The following NRG1 variants were observed in gnomAD, a reference collection of about 807,000 sequenced individuals.
The protein encoded by NRG1 is neuregulin 1, also known as pro-neuregulin-1, membrane-bound isoform.
Under a neutral mutation model 63.8 loss-of-function variants are expected in NRG1, and 18 were observed. That is an observed-to-expected ratio of 0.28 (90% CI 0.19 to 0.42). The LOEUF (loss-of-function observed/expected upper bound fraction) is 0.42. Among genes scored for constraint, NRG1 ranks in the 10% least tolerant of loss-of-function variants. The probability of loss-of-function intolerance (pLI) is 1.00; values close to 1 mark genes in which losing one functional copy is unlikely to be tolerated. For missense variants in NRG1, 762 were observed against 814.7 expected, an observed-to-expected ratio of 0.94 and a Z score of 0.79; for synonymous variants, 302 against 301.3, an observed-to-expected ratio of 1.00 and a Z score of -0.02.
intron 1 of NRG1, among the ~76,000 whole-genome samples, chr8:32,382,366 A>C (rs1179595375): frequency 1.3e-5 from 2 of 152,192 alleles, no homozygotes; most frequent in Non-Finnish European, 2.9e-5. Context: ...TAAAGCCAAA[A>C]TACTTTGGTG....
intron 1 of NRG1, among the ~76,000 whole-genome samples, chr8:31,989,666 C>G (rs1040937658): frequency 6.6e-6 from 1 of 152,068 alleles, no homozygotes; most frequent in Non-Finnish European, 1.5e-5. Context: ...CACTGGGAAG[C>G]GACAGTAATC....
intron 1 of NRG1, among the ~76,000 whole-genome samples, chr8:31,707,017 T>G (rs949110094): frequency 1.3e-5 from 2 of 152,054 alleles, no homozygotes; most frequent in Non-Finnish European, 2.9e-5. Context: ...CTATTTTTGT[T>G]TTTTTGTTTG....
At chr8:32,283,726 T>A (rs904658433) in intron 1 of NRG1, among the ~76,000 whole-genome samples, 1 of 152,068 alleles carries the variant, frequency 6.6e-6, no homozygotes, top group African/African-American at 2.4e-5. Context: ...AGCAAGATAA[T>A]TTTTTTTCTA....
chr8:32,256,034 C>T (rs1336940365), intron 1 of NRG1, among the ~76,000 whole-genome samples: 1 of 152,160 alleles, frequency 6.6e-6, no homozygotes, highest in Non-Finnish European at 1.5e-5. Flanking sequence ...TCGCAAAGTT[C>T]TCATGCAGTG....
intron 1 of NRG1, among the ~76,000 whole-genome samples, chr8:31,827,856 G>A (rs139547114): frequency 6.6e-6 from 1 of 152,272 alleles, no homozygotes; most frequent in East Asian, 1.9e-4. Flanking sequence ...TCTGTGTGCA[G>A]GCTGGTCTAC....
At chr8:32,362,403 T>C (rs889169234) in intron 1 of NRG1, among the ~76,000 whole-genome samples, 7 of 152,220 alleles carry the variant, frequency 4.6e-5, no homozygotes, top group African/African-American at 7.2e-5. Context: ...GAATATGCGA[T>C]GTTGTGGAGA....
chr8:32,382,272 G>A (rs1237329953), intron 1 of NRG1, among the ~76,000 whole-genome samples: 1 of 152,132 alleles, frequency 6.6e-6, no homozygotes, highest in African/African-American at 2.4e-5. Context: ...ATAAAGGTGG[G>A]TTTGTTGGCG....
intron 1 of NRG1, among the ~76,000 whole-genome samples, chr8:32,124,320 G>T (rs1319271463): frequency 2.6e-5 from 4 of 151,766 alleles, no homozygotes; most frequent in Non-Finnish European, 5.9e-5. Context: ...TTCTTGGTGA[G>T]CATCCAGTAT....
intron 1 of NRG1, among the ~76,000 whole-genome samples, chr8:32,289,382 A>T (rs1417477119): frequency 6.6e-6 from 1 of 152,104 alleles, no homozygotes; most frequent in Non-Finnish European, 1.5e-5. Flanking sequence ...TAACTCTAAA[A>T]TAGGAGCTCA....
chr8:32,710,679 ATCCCTTATAACACTCTG>A (rs1329647065), intron 5 of NRG1, among the ~76,000 whole-genome samples: 2 of 152,174 alleles, frequency 1.3e-5, no homozygotes, highest in Non-Finnish European at 2.9e-5. Context: ...GTTAAATAGA[ATCCCTTATAACACTCTG>A]GCACTATGTG....
chr8:32,190,447 C>T (rs1842380703), intron 1 of NRG1, among the ~76,000 whole-genome samples: 1 of 152,058 alleles, frequency 6.6e-6, no homozygotes, highest in African/African-American at 2.4e-5. Flanking sequence ...GCTGTGAGGT[C>T]CCAGTTCATC....
chr8:32,087,716 G>A (rs577832243), intron 1 of NRG1, among the ~76,000 whole-genome samples: 14 of 152,036 alleles, frequency 9.2e-5, no homozygotes, highest in African/African-American at 2.7e-4. Context: ...TGATCTGCCC[G>A]CCTCAGGCTC....
intron 1 of NRG1, among the ~76,000 whole-genome samples, chr8:31,880,761 A>G (rs371951312): frequency 7.9e-5 from 12 of 152,294 alleles, no homozygotes; most frequent in African/African-American, 2.9e-4. Context: ...TATTCTCAGC[A>G]TTTCCTGTTC....
intron 1 of NRG1, among the ~76,000 whole-genome samples, chr8:31,641,254 C>T (rs539285777): frequency 1.4e-4 from 22 of 152,122 alleles, no homozygotes; most frequent in African/African-American, 5.1e-4. Flanking sequence ...TTTGGCAACT[C>T]AATGTCCAGC....
chr8:32,180,679 T>C (rs1270074472), intron 1 of NRG1, among the ~76,000 whole-genome samples: 1 of 152,170 alleles, frequency 6.6e-6, no homozygotes, highest in Non-Finnish European at 1.5e-5. Context: ...TACAGCACAT[T>C]GCTATATGTA....
intron 4 of NRG1, among the ~76,000 whole-genome samples, chr8:32,616,242 T>G (rs937486019): frequency 6.6e-6 from 1 of 152,032 alleles, no homozygotes; most frequent in African/African-American, 2.4e-5. Flanking sequence ...ATCTTGCTAC[T>G]AGATATCCCC....
Position 31,809,406 on chromosome 8 carries a change from A to G in NRG1, c.37+169975A>G, listed in dbSNP as rs547700206. On this transcript the variant is annotated intron_variant, in intron 1 of 10. Transcript: ENST00000519301. ...CGTGTATATATATGTGTGTGTGTGT[A>G]TATATATATACTTTTTATGTCTTAT... is the stretch of plus-strand genomic sequence containing the variant. Among the ~76,000 whole-genome samples the G allele has an allele frequency of 3.2e-4, 46 of 143,190 alleles. 1 individual carries two copies. Among genetic ancestry groups the G allele is most frequent in the East Asian group, 1.1e-3 (5 of 4,748 alleles). 93.9% of individuals were successfully genotyped at this position (143,190 alleles called of 152,430 possible).
intron 2 of NRG1, among the ~76,000 whole-genome samples, chr8:32,605,119 A>G (rs1845048627): frequency 6.6e-6 from 1 of 152,188 alleles, no homozygotes; most frequent in South Asian, 2.1e-4. Flanking sequence ...TTTAAAATCT[A>G]TTCTAACCTT....
Position 31,685,057 on chromosome 8 carries a change from G to A in NRG1, c.37+45626G>A, listed in dbSNP as rs140789076. Among the ~76,000 whole-genome samples, 1,118 of 152,174 alleles carry A rather than the reference G, an allele frequency of 7.3e-3. 15 individuals are homozygous for A. Among genetic ancestry groups the A allele is most frequent in the African/African-American group, 0.025 (1,055 of 41,530 alleles). ...TAAAACTATGAGATTTCATATGCTC[G>A]TTTTTCTTACAGATTTGCCTCCTTA... On this transcript the variant is annotated intron_variant, in intron 1 of 10. Coordinates refer to the NRG1 transcript ENST00000519301.
Sources: gnomAD v4.1 joint callset for allele counts (sites outside exome capture counted in the v4.1 genomes callset) on GRCh38, gnomAD v4.1.1 for gene constraint, MANE v1.5 for transcripts, NCBI Gene and HGNC (gene_info 2026-07-23, HGNC 2026-07-21) for gene names.